TMIGD2: variants seen among roughly 807,000 people sequenced by gnomAD.
TMIGD2 encodes transmembrane and immunoglobulin domain containing 2.
TMIGD2 carries 18 observed loss-of-function variants against 22.6 expected under a neutral mutation model. The ratio of observed to expected loss-of-function variants is 0.80; its 90% CI spans 0.55 to 1.18. The LOEUF (loss-of-function observed/expected upper bound fraction) is 1.18. Ranked by LOEUF, TMIGD2 falls within the 50% of genes most tolerant of loss-of-function variation. The pLI, the probability that TMIGD2 is intolerant of heterozygous loss-of-function variation, is 0.00. For synonymous variants in TMIGD2, 184 were observed against 154.1 expected, an observed-to-expected ratio of 1.19 and a Z score of -1.44; for missense variants, 361 against 378.2, an observed-to-expected ratio of 0.95 and a Z score of 0.38.
At chr19:4,297,579 G>A (rs1011077742) in intron 2 of TMIGD2, among the ~76,000 whole-genome samples, 6 of 152,132 alleles carry the variant, frequency 3.9e-5, no homozygotes, top group East Asian at 1.9e-4. Flanking sequence ...ATTATGGGCC[G>A]GGCATGGTGG....
exon 4 of TMIGD2, chr19:4,294,583 G>A (rs1163862399): frequency 6.2e-7 from 1 of 1,612,176 alleles, no homozygotes; most frequent in Admixed American, 1.7e-5. Flanking sequence ...TGTTACCTGA[G>A]TCCCTTTGCT....
chr19:4,298,166 G>A (rs1039433632), exon 2 of TMIGD2: 8 of 1,613,306 alleles, frequency 5.0e-6, no homozygotes, highest in Non-Finnish European at 6.8e-6. Flanking sequence ...CCCAGGCTGA[G>A]GCTGCCGTTG....
intron 1 of TMIGD2, 134 bp downstream of exon 1, chr19:4,302,206 T>TGA: frequency 1.1e-6 from 1 of 931,890 alleles, no homozygotes; most frequent in Admixed American, 3.0e-5. Flanking sequence ...CATCACGTTC[T>TGA]GAGTCTCGGA....
intron 4 of TMIGD2, 130 bp from the exon 5 acceptor site, chr19:4,293,015 G>A (rs376308823): frequency 7.3e-6 from 10 of 1,366,228 alleles, no homozygotes; most frequent in Non-Finnish European, 1.0e-6. Context: ...CCAGGCTGGA[G>A]TGCAGTGGCG....
chr19:4,293,101 C>T (rs540489944), intron 4 of TMIGD2, among the ~76,000 whole-genome samples: 11 of 151,836 alleles, frequency 7.2e-5, no homozygotes, highest in African/African-American at 2.7e-4. Context: ...CTAGCTGGGA[C>T]TACAGGCTCC....
rs1971391552 is a variant in TMIGD2 at position 4,292,369 on chromosome 19, T to C, written c.*230A>G. ...GCTTTTTGTTTTTTTTGAGACGGAGTCTCACTCTGTCGCCCAGGCTGGAGT... is the reference window on the plus strand; with the variant it reads ...GCTTTTTGTTTTTTTTGAGACGGAGCCTCACTCTGTCGCCCAGGCTGGAGT... On this transcript the variant is annotated 3_prime_UTR_variant, in exon 5 of 5. Transcript: ENST00000301272. 9.5e-6 allele frequency: 5 copies of C among 528,836 alleles called. No individual in the cohort carries two copies. In the Admixed American group the frequency reaches 1.7e-4, roughly 18 times the overall value. 32.8% of individuals were successfully genotyped at this position (528,836 alleles called of 1,614,324 possible). A position where few individuals can be genotyped will look rare whatever the true frequency, so the allele number is the denominator to read the frequency against.
At position 4,298,350 on chromosome 19, in the gene TMIGD2, A is replaced by G; in HGVS notation, c.47-5T>C. ...GGCTTGAGGCTTCTTGCAGGGCTGG[A>G]GGACAGAAGAGGTAGAGGCGACCTT... On this transcript the variant is annotated splice_polypyrimidine_tract_variant and splice_region_variant and intron_variant, in intron 1 of 4. Transcript: ENST00000301272. 1.3e-6 allele frequency: 2 copies of G among 1,558,112 alleles called. No individual in the cohort carries two copies. The highest frequency in any genetic ancestry group is 1.2e-5 in the South Asian group (1 of 85,492).
chr19:4,298,327 C>T, exon 2 of TMIGD2: 1 of 1,580,432 alleles, frequency 6.3e-7, no homozygotes, highest in Non-Finnish European at 8.6e-7. Context: ...CACGCTCAGG[C>T]TTGAGGCTTC....
intron 1 of TMIGD2, 22 bp from the exon 2 acceptor site, chr19:4,298,367 G>T: frequency 1.3e-6 from 2 of 1,537,626 alleles, no homozygotes; most frequent in Non-Finnish European, 1.7e-6. Context: ...AAGAGGTAGA[G>T]GCGACCTTTC....
intron 2 of TMIGD2, among the ~76,000 whole-genome samples, chr19:4,295,678 C>G (rs1233413527): frequency 2.6e-5 from 4 of 152,122 alleles, no homozygotes; most frequent in Non-Finnish European, 4.4e-5. Flanking sequence ...CTATCACTCT[C>G]CAGATCCTGT....
At chr19:4,298,328 T>TTGAGGCTTCTTGCAGGGC (rs780489709) in exon 2 of TMIGD2, 9 of 1,580,654 alleles carry the variant, frequency 5.7e-6, no homozygotes, top group African/African-American at 1.3e-5. Flanking sequence ...ACGCTCAGGC[T>TTGAGGCTTCTTGCAGGGC]TGAGGCTTCT....
chr19:4,299,988 C>T (rs1172266057), intron 1 of TMIGD2, among the ~76,000 whole-genome samples: 3 of 152,114 alleles, frequency 2.0e-5, no homozygotes, highest in African/African-American at 7.2e-5. Context: ...GGGCCGGGTG[C>T]AGTGGCTCAC....
At chr19:4,292,698 G>A (rs754377587) in exon 5 of TMIGD2, 4 of 1,603,634 alleles carry the variant, frequency 2.5e-6, no homozygotes, top group Non-Finnish European at 2.6e-6. Context: ...GGCCGGGCCT[G>A]GGGCTGGGGC....
At chr19:4,292,746 C>T (rs762274173) in exon 5 of TMIGD2, 8 of 1,609,652 alleles carry the variant, frequency 5.0e-6, no homozygotes, top group East Asian at 2.2e-5. Flanking sequence ...ACGCCAGGTG[C>T]GGCTGGCGGG....
At chr19:4,297,884 G>A in intron 2 of TMIGD2, 102 bp downstream of exon 2, 2 of 1,343,682 alleles carry the variant, frequency 1.5e-6, no homozygotes, top group Admixed American at 2.6e-5. Flanking sequence ...AGTTTGATAT[G>A]AAGAATTTAG....
At chr19:4,297,958 C>T (rs1304814717) in intron 2 of TMIGD2, 28 bp downstream of exon 2, 5 of 1,533,034 alleles carry the variant, frequency 3.3e-6, no homozygotes, top group Non-Finnish European at 4.4e-6. Flanking sequence ...TCCCCACTGC[C>T]CCTCCCTCTC....
At chr19:4,299,364 T>C (rs1423280977) in intron 1 of TMIGD2, among the ~76,000 whole-genome samples, 1 of 151,976 alleles carries the variant, frequency 6.6e-6, no homozygotes, top group East Asian at 1.9e-4. Context: ...CAGGCTGGTG[T>C]TGAATTCCTG....
At chr19:4,298,098 C>T in exon 2 of TMIGD2, 1 of 1,613,630 alleles carries the variant, frequency 6.2e-7, no homozygotes, top group Non-Finnish European at 8.5e-7. Flanking sequence ...CAGGGTCCAG[C>T]TGCAGGGTGA....
In TMIGD2 at chr19:4,292,640, G is replaced by A. The variant is rs769697450; in HGVS notation, c.808C>T (p.Gln270Ter). 1.2e-5 allele frequency: 19 copies of A among 1,612,476 alleles called. No homozygotes were observed. The highest frequency in any genetic ancestry group is 1.6e-5 in the Non-Finnish European group (19 of 1,179,606). Reference sequence around the variant, plus strand: ...TTGGGGAACCCTTTTGGCCTCGGCTGCTGGGTGGGGCTTGGTCTAGGAGAG... The same window carrying A: ...TTGGGGAACCCTTTTGGCCTCGGCTACTGGGTGGGGCTTGGTCTAGGAGAG... The change falls in exon 5 of 5, where the codon CAG (glutamine) becomes TAG (stop). Residue 270 changes from glutamine to a stop codon, truncating the protein, a stop_gained. Transcript: ENST00000301272. LOFTEE classifies it low-confidence loss of function (END_TRUNC).
Sources: allele counts gnomAD v4.1 joint callset (sites outside exome capture counted in the v4.1 genomes callset), GRCh38; gene constraint gnomAD v4.1.1; transcripts MANE v1.5; gene names NCBI Gene and HGNC (gene_info 2026-07-23, HGNC 2026-07-21).